TOX2: variants seen among roughly 807,000 people sequenced by gnomAD.
TOX2 encodes TOX high mobility group box family member 2, also known as granulosa cell HMG box 1.
Under a neutral mutation model 47.4 loss-of-function variants are expected in TOX2, and 15 were observed. The observed-to-expected ratio is 0.32, with a 90% CI of 0.21 to 0.49. The LOEUF is 0.49. Among genes scored for constraint, TOX2 ranks in the 20% least tolerant of loss-of-function variants. The pLI is 0.99. For synonymous variants in TOX2, 290 were observed against 296.6 expected (o/e 0.98, Z 0.23); for missense variants, 622 against 673.1 (o/e 0.92, Z 0.84).
intron 1 of TOX2, among the ~76,000 whole-genome samples, chr20:43,917,785 T>C (rs1418255807): frequency 1.3e-5 from 2 of 152,346 alleles, no homozygotes; most frequent in East Asian, 3.9e-4. Context: ...AATAGATGTG[T>C]ATTTTATTAA....
At chr20:43,973,969 C>G (rs986531512) in intron 2 of TOX2, among the ~76,000 whole-genome samples, 1 of 152,160 alleles carries the variant, frequency 6.6e-6, no homozygotes, top group African/African-American at 2.4e-5. Context: ...GTCTCGAACC[C>G]CAGCCTGGCC....
chr20:44,064,870 A>G lies in TOX2; in HGVS notation c.960+13A>G. 6.2e-7 allele frequency: 1 copy of G among 1,613,178 alleles called. No homozygotes were observed. Among genetic ancestry groups the G allele is most frequent in the Non-Finnish European group, 8.5e-7 (1 of 1,179,300 alleles). ...CCTCGTCTCCAAGGTAACACCCGGA[A>G]TCTCCAGGCACAGCCCTGATCAGAG... On this transcript the variant is annotated intron_variant, in intron 6 of 8. Transcript: ENST00000341197.
In TOX2 at chr20:43,980,477, T is replaced by C. The variant is rs1258668826; in HGVS notation, c.165+7045T>C. ...AGTACAACAAAGTATAGTCAATAAT[T>C]GCGTATTTTAAAATAACTGAAAGAG... On this transcript the variant is annotated intron_variant, in intron 2 of 8. Coordinates refer to ENST00000341197, the MANE Select transcript of TOX2 (RefSeq NM_001098797.2). 6.6e-5 allele frequency among the ~76,000 whole-genome samples: 10 copies of C among 152,240 alleles called. No individual in the cohort carries two copies. The South Asian group carries it at 1.9e-3, about 28-fold the overall frequency.
chr20:44,014,949 G>T (rs1334858253), intron 3 of TOX2, among the ~76,000 whole-genome samples: 2 of 152,124 alleles, frequency 1.3e-5, no homozygotes, highest in East Asian at 1.9e-4. Context: ...ACAGCGGAGT[G>T]ACAGTTCCAC....
At chr20:44,053,465 CACACACATATATATAT>C (rs1178010568) in intron 4 of TOX2, among the ~76,000 whole-genome samples, 16 of 149,130 alleles carry the variant, frequency 1.1e-4, no homozygotes, top group African/African-American at 3.8e-4. Context: ...CACACACACA[CACACACATATATATAT>C]ACACACATAT....
rs555898081 is a variant in TOX2 at position 43,934,596 on chromosome 20, T to C, written c.99+19606T>C. On this transcript the variant is annotated intron_variant, in intron 1 of 8. Coordinates refer to ENST00000341197, the MANE Select transcript of TOX2 (RefSeq NM_001098797.2). ...CAGACCTGACTGGATGGGCAGAGGCTCGTGTAGAGGGGGCTGGGAGGACAC... is the reference window on the plus strand; with the variant it reads ...CAGACCTGACTGGATGGGCAGAGGCCCGTGTAGAGGGGGCTGGGAGGACAC... Among the ~76,000 whole-genome samples, 37 of 151,788 alleles carry C rather than the reference T, an allele frequency of 2.4e-4. 1 individual carries two copies. The South Asian group carries it at 7.7e-3, about 32-fold the overall frequency.
At chr20:44,040,837 G>C (rs2071320948) in intron 3 of TOX2, among the ~76,000 whole-genome samples, 1 of 152,112 alleles carries the variant, frequency 6.6e-6, no homozygotes, top group South Asian at 2.1e-4. Context: ...TTGCACAGTT[G>C]GCTGCATGGA....
At chr20:43,937,090 G>C (rs867180398) in intron 1 of TOX2, among the ~76,000 whole-genome samples, 5 of 152,298 alleles carry the variant, frequency 3.3e-5, no homozygotes, top group Admixed American at 1.3e-4. Flanking sequence ...GAGCCACACA[G>C]GGCCGGGAGA....
intron 3 of TOX2, among the ~76,000 whole-genome samples, chr20:44,012,346 A>T (rs2070791334): frequency 6.6e-6 from 1 of 152,206 alleles, no homozygotes; most frequent in African/African-American, 2.4e-5. Flanking sequence ...GTTCCTGGGG[A>T]ACCTGCATCT....
rs1447390689 is a variant in TOX2 at position 43,916,643 on chromosome 20, TG to T, written c.99+1656del. ...GTGGAGTTTTCAGGGAGGAGAAGGTTGGGTGTGGGGGCAGCTGGTCTGTCTT... is the reference window on the plus strand; with the variant it reads ...GTGGAGTTTTCAGGGAGGAGAAGGTTGGTGTGGGGGCAGCTGGTCTGTCTT... On this transcript the variant is annotated intron_variant, in intron 1 of 8. Transcript: ENST00000341197. This position sits in a 1 kb window ranked among gnomAD's most constrained non-coding sequence, Gnocchi z 5.0. Among the ~76,000 whole-genome samples the T allele has an allele frequency of 6.6e-6, 1 of 152,038 alleles. No individual in the cohort carries two copies. The highest frequency in any genetic ancestry group is 1.9e-4 in the East Asian group (1 of 5,196).
intron 4 of TOX2, 27 bp from the exon 5 acceptor site, chr20:44,054,272 G>A (rs1269973344): frequency 6.3e-7 from 1 of 1,581,074 alleles, no homozygotes; most frequent in East Asian, 2.3e-5. Context: ...GGCTTCTTTG[G>A]TTTTCTGACT....
intron 3 of TOX2, among the ~76,000 whole-genome samples, chr20:44,012,390 C>T (rs1049613559): frequency 1.3e-5 from 2 of 152,080 alleles, no homozygotes; most frequent in Non-Finnish European, 2.9e-5. Flanking sequence ...GGGAGAGCCT[C>T]GGGCAGATGG....
Position 44,006,799 on chromosome 20 carries a change from C to G in TOX2, c.411+7C>G, listed in dbSNP as rs765868125. Reference sequence around the variant, plus strand: ...GTCGGGCCAGCTGCCCACGGTGAGTCCCTATCGCCTGCTGCAGTTCCTGCT... The same window carrying G: ...GTCGGGCCAGCTGCCCACGGTGAGTGCCTATCGCCTGCTGCAGTTCCTGCT... On this transcript the variant is annotated splice_region_variant and intron_variant, in intron 3 of 8. Transcript: ENST00000341197. The G allele has an allele frequency of 2.0e-5, 32 of 1,611,060 alleles. No homozygotes were observed. Among genetic ancestry groups the G allele is most frequent in the Non-Finnish European group, 2.6e-5 (31 of 1,179,100 alleles).
chr20:43,956,181 C>G (rs548749393), intron 1 of TOX2, among the ~76,000 whole-genome samples: 7 of 152,336 alleles, frequency 4.6e-5, no homozygotes, highest in Admixed American at 1.3e-4. Context: ...CCCCACGAAC[C>G]TGGCTTCCCA....
chr20:43,960,567 C>CTT (rs2069740874), intron 1 of TOX2, among the ~76,000 whole-genome samples: 1 of 152,264 alleles, frequency 6.6e-6, no homozygotes, highest in African/African-American at 2.4e-5. Context: ...TGCTCCCCCA[C>CTT]TTCCCTATAG....
intron 3 of TOX2, among the ~76,000 whole-genome samples, chr20:44,040,913 G>C: frequency 6.6e-6 from 1 of 152,178 alleles, no homozygotes; most frequent in East Asian, 1.9e-4. Context: ...TAAAAGATGG[G>C]AGAGGAGTGA....
intron 1 of TOX2, among the ~76,000 whole-genome samples, chr20:43,931,204 A>G (rs1171280305): frequency 6.6e-6 from 1 of 152,096 alleles, no homozygotes; most frequent in Non-Finnish European, 1.5e-5. Context: ...AGTGGTACAA[A>G]CATGGCTTAC....
chr20:43,964,312 C>T (rs1380842998), intron 1 of TOX2, among the ~76,000 whole-genome samples: 2 of 152,198 alleles, frequency 1.3e-5, no homozygotes, highest in Non-Finnish European at 2.9e-5. Context: ...GGGCTCTCTG[C>T]CTGCACCCCT....
At chr20:44,004,229 TTGAC>T (rs759584838) in intron 2 of TOX2, among the ~76,000 whole-genome samples, 1 of 152,060 alleles carries the variant, frequency 6.6e-6, no homozygotes, top group Non-Finnish European at 1.5e-5. Context: ...AACGAGAACA[TTGAC>T]TGGGCATCGA....
Sources: gnomAD v4.1 joint callset for allele counts (sites outside exome capture counted in the v4.1 genomes callset) on GRCh38, gnomAD v4.1.1 for gene constraint, Gnocchi (gnomAD v3.1) non-coding constraint, MANE v1.5 for transcripts, NCBI Gene and HGNC (gene_info 2026-07-23, HGNC 2026-07-21) for gene names.